The following VRK2 variants were observed in gnomAD, a reference collection of about 807,000 sequenced individuals.
VRK2 encodes the protein VRK serine/threonine kinase 2.
VRK2 carries 60 observed loss-of-function variants against 57.6 expected under a neutral mutation model. That is an observed-to-expected ratio of 1.04 (90% CI 0.85 to 1.29). VRK2 has a LOEUF of 1.29. Ranked by LOEUF, VRK2 falls within the 50% of genes most tolerant of loss-of-function variation. The pLI is 0.00. For synonymous variants in VRK2, 231 were observed against 199.2 expected, an observed-to-expected ratio of 1.16 and a Z score of -1.35; for missense variants, 705 against 588.1, an observed-to-expected ratio of 1.20 and a Z score of -2.06.
At chr2:58,036,330 T>C (rs1674272558) in intron 3 of VRK2, among the ~76,000 whole-genome samples, 1 of 152,024 alleles carries the variant, frequency 6.6e-6, no homozygotes, top group African/African-American at 2.4e-5. Flanking sequence ...ATAAAGTATC[T>C]ATATTCTATG....
At chr2:58,147,409 A>C (rs753852975) in intron 12 of VRK2, among the ~76,000 whole-genome samples, 11 of 152,060 alleles carry the variant, frequency 7.2e-5, no homozygotes, top group African/African-American at 2.6e-4. Flanking sequence ...TACTTCACTT[A>C]GGCATATTTT....
intron 7 of VRK2, among the ~76,000 whole-genome samples, chr2:58,113,670 A>G (rs1019387388): frequency 6.6e-6 from 1 of 152,124 alleles, no homozygotes; most frequent in African/African-American, 2.4e-5. Flanking sequence ...CTGAGCCAGG[A>G]GAAGGAAATT....
At chr2:58,075,569 A>G (rs1229438710) in intron 2 of VRK2, among the ~76,000 whole-genome samples, 1 of 152,134 alleles carries the variant, frequency 6.6e-6, no homozygotes, top group African/African-American at 2.4e-5. Context: ...ACTTTTTAAT[A>G]ATAGTCATCC....
chr2:58,012,285 C>G (rs1673438398), intron 1 of VRK2, among the ~76,000 whole-genome samples: 1 of 152,126 alleles, frequency 6.6e-6, no homozygotes, highest in South Asian at 2.1e-4. Context: ...TATTCCTTTA[C>G]TTTCCTAATA....
chr2:58,124,608 T>C (rs1678026693), intron 8 of VRK2, among the ~76,000 whole-genome samples: 1 of 152,224 alleles, frequency 6.6e-6, no homozygotes, highest in African/African-American at 2.4e-5. Flanking sequence ...CAAGTTTTAG[T>C]TGGTGAAGAC....
intron 12 of VRK2, among the ~76,000 whole-genome samples, chr2:58,155,731 C>T (rs1212713489): frequency 1.3e-5 from 2 of 150,914 alleles, no homozygotes; most frequent in African/African-American, 2.4e-5. Context: ...TCACCCCACC[C>T]TTGCCACCTC....
intron 2 of VRK2, among the ~76,000 whole-genome samples, chr2:58,071,481 A>T (rs1190583402): frequency 1.3e-5 from 2 of 152,072 alleles, no homozygotes; most frequent in Non-Finnish European, 2.9e-5. Context: ...TTTATGAAAG[A>T]TCAGTGTCTA....
chr2:58,152,086 G>A (rs1683163670), intron 12 of VRK2, among the ~76,000 whole-genome samples: 1 of 151,632 alleles, frequency 6.6e-6, no homozygotes, highest in Non-Finnish European at 1.5e-5. Flanking sequence ...ATTTCAAAAA[G>A]TAAAAAGAAA....
intron 11 of VRK2, among the ~76,000 whole-genome samples, chr2:58,145,163 A>G (rs752766655): frequency 1.3e-5 from 2 of 151,932 alleles, no homozygotes; most frequent in African/African-American, 4.8e-5. Flanking sequence ...CAATCTTCCA[A>G]CAGTGTTGTG....
At chr2:57,946,336 T>C (rs1408991084) in intron 1 of VRK2, among the ~76,000 whole-genome samples, 1 of 152,018 alleles carries the variant, frequency 6.6e-6, no homozygotes. Flanking sequence ...TTTTTGGAAA[T>C]TTCAACTTTT....
In VRK2 at chr2:58,134,396, G is replaced by A. The variant is rs146614058; in HGVS notation, c.798-745G>A. Reference sequence around the variant, plus strand: ...GGAGGCCGAGGCGGGTGGATCATGAGGTCAGGAGATCGAGACCATCCTGGC... The same window carrying A: ...GGAGGCCGAGGCGGGTGGATCATGAAGTCAGGAGATCGAGACCATCCTGGC... On this transcript the variant is annotated intron_variant, in intron 9 of 12. Coordinates refer to ENST00000340157, the MANE Select transcript of VRK2 (RefSeq NM_006296.7). 4.2e-3 allele frequency among the ~76,000 whole-genome samples: 634 copies of A among 151,906 alleles called. 7 individuals are homozygous for A. Among genetic ancestry groups the A allele is most frequent in the African/African-American group, 0.015 (604 of 41,396 alleles).
intron 11 of VRK2, among the ~76,000 whole-genome samples, chr2:58,141,297 A>C (rs1451445557): frequency 6.6e-6 from 1 of 152,026 alleles, no homozygotes; most frequent in African/African-American, 2.4e-5. Context: ...ATATAAAAGA[A>C]GCCATTTTAA....
chr2:57,964,611 C>T (rs115731890), intron 1 of VRK2, among the ~76,000 whole-genome samples: 58 of 152,260 alleles, frequency 3.8e-4, no homozygotes, highest in African/African-American at 9.9e-4. Context: ...AGGCCAGGCG[C>T]GGTGGCTCAC....
intron 1 of VRK2, among the ~76,000 whole-genome samples, chr2:57,923,697 T>C (rs941088493): frequency 4.6e-5 from 7 of 151,920 alleles, no homozygotes; most frequent in African/African-American, 1.4e-4. Flanking sequence ...TCACCTTTTT[T>C]TGTTTCCTTT....
At chr2:58,136,379 C>G (rs1338608650) in intron 10 of VRK2, among the ~76,000 whole-genome samples, 1 of 149,866 alleles carries the variant, frequency 6.7e-6, no homozygotes, top group South Asian at 2.1e-4. Flanking sequence ...GGCTAATATT[C>G]TTAATGGCAT....
At chr2:57,976,265 G>A (rs1305421665) in intron 1 of VRK2, among the ~76,000 whole-genome samples, 1 of 152,058 alleles carries the variant, frequency 6.6e-6, no homozygotes. Flanking sequence ...ATTCCTTTGA[G>A]CATATATCCA....
intron 1 of VRK2, among the ~76,000 whole-genome samples, chr2:57,950,255 T>C (rs1003044452): frequency 2.0e-5 from 3 of 152,214 alleles, no homozygotes; most frequent in African/African-American, 7.2e-5. Flanking sequence ...AGGACTTCCA[T>C]AGCTAAAGAG....
Position 58,139,675 on chromosome 2 carries a change from C to T in VRK2, c.866C>T (p.Ala289Val). 1 of 1,610,336 alleles carries T rather than the reference C, an allele frequency of 6.2e-7. No homozygotes were observed. The highest frequency in any genetic ancestry group is 8.5e-7 in the Non-Finnish European group (1 of 1,178,484). The change falls in exon 11 of 13, where the codon GCC becomes GTC. Residue 289 changes from alanine to valine, a missense_variant. Coordinates refer to ENST00000340157, the MANE Select transcript of VRK2 (RefSeq NM_006296.7). ...APSGSSCCEI[A>V]QFLVCAHSLA... The stretch of plus-strand genomic sequence containing the variant: ...ATTTAATAATTCACAGGTGAAATAG[C>T]CCAATTTTTGGTATGTGCTCATAGT...
chr2:58,044,238 G>A (rs566674469), upstream of VRK2, among the ~76,000 whole-genome samples: 3 of 152,212 alleles, frequency 2.0e-5, no homozygotes, highest in East Asian at 1.9e-4. Context: ...GTGGTCACAC[G>A]ATGACTGCAG....
Sources: allele counts gnomAD v4.1 joint callset (sites outside exome capture counted in the v4.1 genomes callset), GRCh38; gene constraint gnomAD v4.1.1; transcripts MANE v1.5; gene names NCBI Gene and HGNC (gene_info 2026-07-23, HGNC 2026-07-21).